ADAMTS9: variants seen among roughly 807,000 people sequenced by gnomAD.
The protein encoded by ADAMTS9 is A disintegrin and metalloproteinase with thrombospondin motifs 9.
ADAMTS9 carries 107 observed loss-of-function variants against 257.1 expected under a neutral mutation model. That is an observed-to-expected ratio of 0.42 (90% CI 0.36 to 0.49). The LOEUF (loss-of-function observed/expected upper bound fraction) is 0.49, where lower values mean the gene tolerates loss of function less well. Ranked by LOEUF, ADAMTS9 falls within the 20% of genes least tolerant of loss-of-function variation. The pLI, the probability that ADAMTS9 is intolerant of heterozygous loss-of-function variation, is 0.03. For missense variants in ADAMTS9, 2,353 were observed against 2,469.1 expected (o/e 0.95, Z 1.00); for synonymous variants, 982 against 880.9 (o/e 1.11, Z -2.03).
intron 19 of ADAMTS9, among the ~76,000 whole-genome samples, chr3:64,618,290 T>G (rs1700015539): frequency 6.6e-6 from 1 of 152,212 alleles, no homozygotes; most frequent in Admixed American, 6.5e-5. Context: ...GTGCTATTAT[T>G]ACCATTGGCC....
chr3:64,528,712 G>A lies in ADAMTS9; in HGVS notation c.5718+4454C>T, dbSNP rs191425675. On this transcript the variant is annotated intron_variant, in intron 38 of 39. Transcript: ENST00000498707. ...TGGCAAACCTCAGGGCTATGAAAAC[G>A]TTATAACATTAATAGCCAGTACTTG... Among the ~76,000 whole-genome samples the A allele has an allele frequency of 2.4e-3, 368 of 152,258 alleles. 2 individuals are homozygous for A. The highest frequency in any genetic ancestry group is 8.6e-3 in the African/African-American group (356 of 41,556).
chr3:64,558,979 G>A (rs1346826290), intron 30 of ADAMTS9, among the ~76,000 whole-genome samples: 2 of 152,186 alleles, frequency 1.3e-5, no homozygotes, highest in Non-Finnish European at 2.9e-5. Context: ...TGAAAGAATG[G>A]ATGTGAGAGG....
chr3:64,574,568 A>G (rs2083782747), intron 28 of ADAMTS9, among the ~76,000 whole-genome samples: 1 of 151,542 alleles, frequency 6.6e-6, no homozygotes, highest in Non-Finnish European at 1.5e-5. Flanking sequence ...ACAAAAAAAA[A>G]AAAAAAAAAG....
At chr3:64,589,161 A>G (rs1286439786) in intron 28 of ADAMTS9, 1 of 152,210 alleles carries the variant, frequency 6.6e-6, no homozygotes, top group Non-Finnish European at 1.5e-5. Flanking sequence ...TGTAAAATGA[A>G]AGAGAGGAAT....
chr3:64,611,207 C>T (rs550972305), intron 22 of ADAMTS9, among the ~76,000 whole-genome samples: 10 of 151,338 alleles, frequency 6.6e-5, no homozygotes, highest in Non-Finnish European at 1.3e-4. Context: ...ATATTCATAG[C>T]AGCACTATTC....
chr3:64,561,371 A>G (rs2083419005), intron 30 of ADAMTS9: 1 of 422,856 alleles, frequency 2.4e-6, no homozygotes, highest in South Asian at 8.3e-5. Flanking sequence ...TCAGGAATAC[A>G]GACAGACGTA....
intron 3 of ADAMTS9, among the ~76,000 whole-genome samples, chr3:64,668,573 T>C (rs1359867298): frequency 1.3e-5 from 2 of 152,218 alleles, no homozygotes; most frequent in Admixed American, 1.3e-4. Context: ...ATAATGATAG[T>C]TCATGCCTAA....
intron 8 of ADAMTS9, among the ~76,000 whole-genome samples, chr3:64,652,942 AT>A (rs1460014375): frequency 1.3e-5 from 2 of 152,212 alleles, no homozygotes; most frequent in Admixed American, 6.5e-5. Context: ...TTATTTAAAA[AT>A]ATCATATAAA....
intron 21 of ADAMTS9, 145 bp from the exon 22 acceptor site, chr3:64,613,654 C>A: frequency 1.3e-6 from 1 of 744,768 alleles, no homozygotes; most frequent in Non-Finnish European, 2.0e-6. Flanking sequence ...TACTAAGCCT[C>A]ATTTTTTTCC....
intron 16 of ADAMTS9, among the ~76,000 whole-genome samples, chr3:64,629,158 G>A (rs1393033438): frequency 1.3e-5 from 2 of 152,052 alleles, no homozygotes; most frequent in Non-Finnish European, 2.9e-5. Flanking sequence ...GCTCCCATTG[G>A]GGCCAAGCCA....
intron 25 of ADAMTS9, among the ~76,000 whole-genome samples, chr3:64,603,347 T>G (rs1051445169): frequency 3.9e-5 from 6 of 152,158 alleles, no homozygotes; most frequent in Non-Finnish European, 8.8e-5. Context: ...CCTATACTAA[T>G]GTATTTCTTG....
At chr3:64,670,907 G>T (rs1701470003) in intron 3 of ADAMTS9, among the ~76,000 whole-genome samples, 1 of 152,216 alleles carries the variant, frequency 6.6e-6, no homozygotes, top group East Asian at 1.9e-4. Context: ...TGGAAAGGAT[G>T]CAGAGGAACT....
In ADAMTS9 at chr3:64,567,011, T is replaced by A. The variant is rs539865577; in HGVS notation, c.4524+1357A>T. Among the ~76,000 whole-genome samples, 12 of 152,280 alleles carry A rather than the reference T, an allele frequency of 7.9e-5. No homozygotes were observed. In the South Asian group the frequency reaches 1.0e-3, roughly 13 times the overall value. On this transcript the variant is annotated intron_variant, in intron 29 of 39. Transcript: ENST00000498707. ...TCTGGCTGGGTATAGATTTTTTTTT[T>A]ATTGTTAAATTAAAACAAACAAAAC...
intron 28 of ADAMTS9, chr3:64,589,042 T>G (rs1384848613): frequency 1.3e-5 from 2 of 152,214 alleles, no homozygotes; most frequent in Admixed American, 6.5e-5. Context: ...AAACATGTCT[T>G]CATTGTAGTA....
At chr3:64,640,523 G>A (rs1040562504) in intron 12 of ADAMTS9, among the ~76,000 whole-genome samples, 7 of 152,010 alleles carry the variant, frequency 4.6e-5, no homozygotes, top group South Asian at 2.1e-4. Flanking sequence ...TTTGCTATCC[G>A]TGATCTAAGC....
intron 29 of ADAMTS9, among the ~76,000 whole-genome samples, chr3:64,567,002 T>A (rs1298620534): frequency 6.7e-6 from 1 of 149,222 alleles, no homozygotes; most frequent in Non-Finnish European, 1.5e-5. Flanking sequence ...TGGGTATAGA[T>A]TTTTTTTTTA....
intron 31 of ADAMTS9, among the ~76,000 whole-genome samples, chr3:64,549,835 G>C (rs1431026810): frequency 1.3e-5 from 2 of 152,196 alleles, no homozygotes; most frequent in Non-Finnish European, 2.9e-5. Context: ...AGGAATAAAG[G>C]ATAGGGCGAG....
chr3:64,573,294 A>G (rs992474850), intron 28 of ADAMTS9, among the ~76,000 whole-genome samples: 13 of 152,072 alleles, frequency 8.5e-5, no homozygotes, highest in African/African-American at 3.1e-4. Flanking sequence ...AGTGGTCTGG[A>G]TTGATGAGAT....
intron 28 of ADAMTS9, chr3:64,568,876 T>C (rs2083608049): frequency 4.7e-6 from 1 of 213,432 alleles, no homozygotes; most frequent in Non-Finnish European, 9.2e-6. Context: ...TAGTGATATA[T>C]TTCTTCAACA....
Sources: allele counts gnomAD v4.1 joint callset (sites outside exome capture counted in the v4.1 genomes callset), GRCh38; gene constraint gnomAD v4.1.1; transcripts MANE v1.5; gene names NCBI Gene and HGNC (gene_info 2026-07-23, HGNC 2026-07-21).